The following CRLS1 variants were observed in gnomAD, a reference collection of about 807,000 sequenced individuals.
CRLS1 encodes cardiolipin synthase 1.
A neutral mutation model predicts 37.0 loss-of-function variants in CRLS1; 24 were observed. The observed-to-expected ratio is 0.65, with a 90% confidence interval of 0.47 to 0.91. CRLS1 has a LOEUF of 0.91. CRLS1 is among the 40% of genes least tolerant of loss of function. CRLS1 has a pLI of 0.00. For missense variants in CRLS1, 373 were observed against 395.8 expected, an observed-to-expected ratio of 0.94 and a Z score of 0.49; for synonymous variants, 135 against 159.7, an observed-to-expected ratio of 0.85 and a Z score of 1.17.
At chr20:6,035,950 G>A (rs985450636) in intron 6 of CRLS1, among the ~76,000 whole-genome samples, 2 of 151,782 alleles carry the variant, frequency 1.3e-5, no homozygotes, top group African/African-American at 4.8e-5. Flanking sequence ...GATTACAGGC[G>A]CCCACCACCA....
intron 3 of CRLS1, among the ~76,000 whole-genome samples, chr20:6,018,259 T>A (rs1978926684): frequency 6.6e-6 from 1 of 150,998 alleles, no homozygotes; most frequent in South Asian, 2.1e-4. Flanking sequence ...TAACTCCATG[T>A]TGATATGAAA....
chr20:6,020,252 A>G (rs189091414), intron 3 of CRLS1, among the ~76,000 whole-genome samples: 6 of 152,326 alleles, frequency 3.9e-5, no homozygotes, highest in Admixed American at 3.9e-4. Context: ...AAGATTGCAT[A>G]TAAGACTGTA....
intron 3 of CRLS1, among the ~76,000 whole-genome samples, chr20:6,023,638 G>GAT (rs1555794229): frequency 6.9e-6 from 1 of 144,924 alleles, no homozygotes; most frequent in Non-Finnish European, 1.5e-5. Flanking sequence ...AAAAATCTTT[G>GAT]TTTTTTTTTT....
chr20:6,025,155 G>C (rs920525049), intron 3 of CRLS1, among the ~76,000 whole-genome samples: 2 of 152,192 alleles, frequency 1.3e-5, no homozygotes, highest in Non-Finnish European at 2.9e-5. Flanking sequence ...GCCCTCTAAA[G>C]CTTTCATAGG....
intron 1 of CRLS1, among the ~76,000 whole-genome samples, chr20:6,007,997 C>A (rs780445233): frequency 2.0e-5 from 3 of 152,110 alleles, no homozygotes; most frequent in Non-Finnish European, 4.4e-5. Context: ...TGCCACCTGA[C>A]CCCAGCAATA....
intron 3 of CRLS1, among the ~76,000 whole-genome samples, chr20:6,024,661 TGA>T (rs1979534307): frequency 1.3e-5 from 2 of 152,224 alleles, no homozygotes; most frequent in African/African-American, 2.4e-5. Context: ...TTTCGAAAGC[TGA>T]GAGAGGCTGA....
At position 6,032,076 on chromosome 20, in the gene CRLS1, G is replaced by A; in HGVS notation, c.725G>A (p.Ser242Asn). The A allele has an allele frequency of 1.3e-5, 21 of 1,608,696 alleles. No individual in the cohort carries two copies. The highest frequency in any genetic ancestry group is 1.8e-5 in the Non-Finnish European group (21 of 1,175,438). The change falls in exon 5 of 7, where the codon AGC becomes AAC. Residue 242 changes from serine to asparagine, a missense_variant. Ser to Asn is a conservative substitution (Grantham distance 46, BLOSUM62 1). Transcript: ENST00000378863. ...ATARLKPTFI[S>N]KVNTAVQLIL... ...GCTAGGTTAAAACCAACATTCATCA[G>A]CAAGGTAAGAGAATGCAATGTTCTT...
rs187520486 is a variant in CRLS1 at position 6,030,022 on chromosome 20, T to G, written c.575-1263T>G. ...TCCAATAATTCATAAAAGATTTGTT[T>G]GAAAGTATTTTGGAAGGGATGTTCA... On this transcript the variant is annotated intron_variant, in intron 3 of 6. Transcript: ENST00000378863. 1.5e-3 allele frequency among the ~76,000 whole-genome samples: 224 copies of G among 152,336 alleles called. 1 individual carries two copies. Among genetic ancestry groups the G allele is most frequent in the African/African-American group, 4.5e-3 (189 of 41,574 alleles).
intron 3 of CRLS1, among the ~76,000 whole-genome samples, chr20:6,020,646 G>A (rs561782631): frequency 6.7e-4 from 100 of 149,564 alleles, no homozygotes; most frequent in Non-Finnish European, 1.1e-3. Flanking sequence ...TTTTTGAGAC[G>A]GAGTCTTGCT....
intron 3 of CRLS1, among the ~76,000 whole-genome samples, chr20:6,024,316 A>ATG (rs1373107540): frequency 2.6e-5 from 4 of 152,158 alleles, no homozygotes; most frequent in African/African-American, 9.7e-5. Flanking sequence ...TAAATCTGTT[A>ATG]TGGTGATCTG....
At chr20:6,034,100 C>G (rs1036622791) in intron 5 of CRLS1, among the ~76,000 whole-genome samples, 9 of 152,172 alleles carry the variant, frequency 5.9e-5, no homozygotes, top group Non-Finnish European at 1.2e-4. Context: ...ACCCTTTTAC[C>G]CATGAAGAGG....
At chr20:6,031,668 C>T (rs980451405) in intron 4 of CRLS1, among the ~76,000 whole-genome samples, 7 of 152,152 alleles carry the variant, frequency 4.6e-5, no homozygotes, top group East Asian at 1.9e-4. Context: ...TGAACACATA[C>T]GCATAGCATA....
At chr20:6,006,645 G>C in intron 1 of CRLS1, 93 bp downstream of exon 1, 2 of 1,214,584 alleles carry the variant, frequency 1.6e-6, no homozygotes, top group East Asian at 3.4e-5. Flanking sequence ...CAGCTCGGAC[G>C]CTTCCGTTTC....
rs1007793752 is a variant in CRLS1 at position 6,018,335 on chromosome 20, A to C, written c.574+2845A>C. The stretch of plus-strand genomic sequence containing the variant: ...AAACTTGCTAACTTGTATTCTAACA[A>C]TATACATATAAATTTGCTTGGATTT... On this transcript the variant is annotated intron_variant, in intron 3 of 6. Transcript: ENST00000378863. Among the ~76,000 whole-genome samples the C allele has an allele frequency of 1.2e-4, 18 of 152,272 alleles. No homozygotes were observed. The East Asian group carries it at 3.5e-3, about 29-fold the overall frequency.
chr20:6,023,649 T>TC (rs397686580), intron 3 of CRLS1, among the ~76,000 whole-genome samples: 14 of 151,706 alleles, frequency 9.2e-5, no homozygotes, highest in Non-Finnish European at 4.4e-5. Flanking sequence ...TTTTTTTTTT[T>TC]CTTCCGAAAG....
rs767895881 is a variant in CRLS1, at chr20:6,015,452, T to G, written c.536T>G (p.Ile179Ser). The G allele has an allele frequency of 1.2e-6, 2 of 1,612,562 alleles. No individual in the cohort carries two copies. Among genetic ancestry groups the G allele is most frequent in the Admixed American group, 3.3e-5 (2 of 60,000 alleles). Residue 179 changes from isoleucine to serine, a missense_variant, in exon 3 of 7, where the codon ATC becomes AGC. Transcript: ENST00000378863. ...CTTGCTGATAAAATACTTATCAGTA[T>G]CTTATATGTTAGCTTGACCTATGCA... Reference protein sequence around the residue: ...DPLADKILISILYVSLTYADL... With the variant: ...DPLADKILISSLYVSLTYADL...
chr20:6,006,385 G>A lies in CRLS1; in HGVS notation c.139G>A (p.Glu47Lys). 1 of 1,406,146 alleles carries A rather than the reference G, an allele frequency of 7.1e-7. No homozygotes were observed. Among genetic ancestry groups the A allele is most frequent in the Non-Finnish European group, 9.3e-7 (1 of 1,078,162 alleles). The allele number at this position is 1,406,146 out of a possible 1,614,324, so 87.1% of individuals were successfully genotyped here. Residue 47 changes from glutamate (E) to lysine (K), a missense_variant, in exon 1 of 7, where the codon GAA (glutamate) becomes AAA (lysine). Transcript: ENST00000378863. ...GCCCTGCTGCTTGGGCTGCCTGGCC[G>A]AACGCTGGAGGCTGCGTCCGGCCGC... is the stretch of plus-strand genomic sequence containing the variant. ...PVPCCLGCLA[E>K]RWRLRPAALG... is the part of the protein sequence containing the mutation.
chr20:6,013,290 G>A (rs1978482874), intron 2 of CRLS1, among the ~76,000 whole-genome samples: 2 of 146,496 alleles, frequency 1.4e-5, no homozygotes, highest in African/African-American at 5.1e-5. Context: ...GGCTTCAAAC[G>A]ATCCTCCCAC....
At chr20:6,019,208 G>A (rs79470684) in intron 3 of CRLS1, among the ~76,000 whole-genome samples, 2,328 of 152,078 alleles carry the variant, frequency 0.015, 56 homozygotes, top group African/African-American at 0.053. Flanking sequence ...TAATTGTTAC[G>A]GGATGATTCA....
Sources: allele counts gnomAD v4.1 joint callset (sites outside exome capture counted in the v4.1 genomes callset), GRCh38; gene constraint gnomAD v4.1.1; transcripts MANE v1.5; gene names NCBI Gene and HGNC (gene_info 2026-07-23, HGNC 2026-07-21).